Variants in TAF6 observed in about 807,000 individuals in gnomAD.
TAF6 encodes TATA-box binding protein associated factor 6.
Under a neutral mutation model 73.5 loss-of-function variants are expected in TAF6, and 50 were observed. The ratio of observed to expected loss-of-function variants is 0.68; its 90% CI spans 0.54 to 0.86. The LOEUF is 0.86. Among genes scored for constraint, TAF6 ranks in the 40% least tolerant of loss-of-function variants. The probability of loss-of-function intolerance (pLI) is 0.00; values close to 1 mark genes in which losing one functional copy is unlikely to be tolerated. For missense variants in TAF6, 768 were observed against 899.5 expected, an observed-to-expected ratio of 0.85 and a Z score of 1.87; for synonymous variants, 424 against 376.7, an observed-to-expected ratio of 1.13 and a Z score of -1.45.
In TAF6 at chr7:100,111,339, G is replaced by A. The variant is rs1022540907; in HGVS notation, c.901-18C>T. The stretch of plus-strand genomic sequence containing the variant: ...TCATGGACCTAAGGGAGAAAGGGCG[G>A]GACAGCTGATTCTGGTTTTGTTTGT... On this transcript the variant is annotated intron_variant, in intron 9 of 14. Transcript: ENST00000453269. 11 of 1,603,478 alleles carry A rather than the reference G, an allele frequency of 6.9e-6. No homozygotes were observed. The Admixed American group carries it at 8.4e-5, about 12-fold the overall frequency.
Position 100,113,632 on chromosome 7 carries a change from CA to C in TAF6, c.380del (p.Leu127ArgfsTer10). ...IINTPLPRVP[L>X]DVCLKAHWLS... ...TCCCCCAACCTTTGAGGCAGACGTC[CA>C]GGGGCACCCGGGGCAGAGGGGTATT... On this transcript the variant is annotated frameshift_variant, in exon 4 of 15. Coordinates refer to ENST00000453269, the MANE Select transcript of TAF6 (RefSeq NM_139315.3). LOFTEE classifies it high-confidence loss of function. 1 of 1,614,090 alleles carries C rather than the reference CA, an allele frequency of 6.2e-7. No homozygotes were observed. The highest frequency in any genetic ancestry group is 1.1e-5 in the South Asian group (1 of 91,076).
At chr7:100,113,126 C>G (rs887274831) in intron 5 of TAF6, among the ~76,000 whole-genome samples, 2 of 151,984 alleles carry the variant, frequency 1.3e-5, no homozygotes, top group African/African-American at 4.8e-5. Flanking sequence ...ATTAGCCGGG[C>G]GTGGTGGTGT....
chr7:100,115,980 C>G (rs1244295227), intron 1 of TAF6, among the ~76,000 whole-genome samples: 1 of 151,956 alleles, frequency 6.6e-6, no homozygotes, highest in Non-Finnish European at 1.5e-5. Flanking sequence ...AAAAATCAAT[C>G]AATCCACCAG....
At chr7:100,109,854 C>A in intron 12 of TAF6, 94 bp downstream of exon 12, 3 of 1,544,616 alleles carry the variant, frequency 1.9e-6, no homozygotes, top group South Asian at 1.2e-5. Flanking sequence ...AAACATGAGG[C>A]AAAGATGGGA....
At position 100,110,085 on chromosome 7, in the gene TAF6, G is replaced by A. The variant is rs1390040471; in HGVS notation, c.1159-12C>T. 1 of 1,613,950 alleles carries A rather than the reference G, an allele frequency of 6.2e-7. No individual in the cohort carries two copies. The highest frequency in any genetic ancestry group is 8.5e-7 in the Non-Finnish European group (1 of 1,180,008). On this transcript the variant is annotated splice_polypyrimidine_tract_variant and intron_variant, in intron 11 of 14. Coordinates refer to ENST00000453269, the MANE Select transcript of TAF6 (RefSeq NM_139315.3). ...AGAGTCTTGATAACCTGTTAGAAGG[G>A]AAAAGGACAAGCAAAAGCCGGAGGG...
chr7:100,119,289 G>C lies in TAF6; in HGVS notation c.-145C>G. On this transcript the variant is annotated 5_prime_UTR_variant, in exon 1 of 15. Transcript: ENST00000453269. Reference sequence around the variant, plus strand: ...ACCCGCCCCCGCCACCCGAGCGCGGGGAGCAGGAAAACTCTAGCGGCAGCC... The same window carrying C: ...ACCCGCCCCCGCCACCCGAGCGCGGCGAGCAGGAAAACTCTAGCGGCAGCC... 1 of 1,022,020 alleles carries C rather than the reference G, an allele frequency of 9.8e-7. No homozygotes were observed. The highest frequency in any genetic ancestry group is 1.7e-5 in the African/African-American group (1 of 57,566). The allele number at this position is 1,022,020 out of a possible 1,614,324, so 63.3% of individuals were successfully genotyped here. A position where few individuals can be genotyped will look rare whatever the true frequency, so the allele number is the denominator to read the frequency against.
upstream of TAF6, among the ~76,000 whole-genome samples, chr7:100,123,613 C>T (rs557566135): frequency 3.0e-4 from 46 of 152,152 alleles, no homozygotes; most frequent in East Asian, 8.8e-3. Flanking sequence ...CTCCGCCTCC[C>T]GGGTTCAAGC....
rs1348528601 is a variant in TAF6, at chr7:100,107,927, T to C, written c.1655A>G (p.Gln552Arg). The C allele has an allele frequency of 6.2e-7, 1 of 1,607,266 alleles. No individual in the cohort carries two copies. Among genetic ancestry groups the C allele is most frequent in the Admixed American group, 1.7e-5 (1 of 59,734 alleles). Residue 552 changes from glutamine to arginine, a missense_variant and splice_region_variant, in exon 14 of 15, where the codon CAG (glutamine) becomes CGG (arginine). This residue lies in a region of TAF6 where 350 missense variants were observed against 352.3 expected (regional missense o/e 0.99). Transcript: ENST00000453269. ...TCCCTGTCCCACAGCTCTGCATACC[T>C]GCTGGGTGGATGGGGCGCTGGAGGA... ...SSSSSAPSTQ[Q>R]VLSLSTSAPG... is the part of the protein sequence containing the mutation.
At chr7:100,114,473 A>C in intron 1 of TAF6, 1 of 622,638 alleles carries the variant, frequency 1.6e-6, no homozygotes. Flanking sequence ...TCCCACCAGC[A>C]CTTTGGGAGG....
At chr7:100,123,677 C>T (rs1159944362), upstream of TAF6, among the ~76,000 whole-genome samples, 1 of 152,020 alleles carries the variant, frequency 6.6e-6, no homozygotes. Context: ...CCTGCCACCA[C>T]GCCCAGCTAA....
At chr7:100,107,793 G>C in intron 14 of TAF6, 133 bp downstream of exon 14, 1 of 1,385,924 alleles carries the variant, frequency 7.2e-7, no homozygotes, top group Non-Finnish European at 9.7e-7. Flanking sequence ...AGCCCTGCAG[G>C]ACCCTGGTGG....
upstream of TAF6, chr7:100,122,978 G>A (rs920553270): frequency 2.7e-6 from 4 of 1,488,938 alleles, no homozygotes; most frequent in Non-Finnish European, 3.6e-6. Context: ...TCTAGGGTTT[G>A]ACTATAGGGG....
At position 100,107,204 on chromosome 7, in the gene TAF6, A is replaced by G. The variant is rs1050542; in HGVS notation, c.*42T>C. On this transcript the variant is annotated 3_prime_UTR_variant, in exon 15 of 15. Transcript: ENST00000453269. The stretch of plus-strand genomic sequence containing the variant: ...CATGTGTGTACGTGCACGTGTGTAC[A>G]TGTCTGCATGTGTGGGAATCCGGGG... The G allele has an allele frequency of 0.58, 877,540 of 1,518,228 alleles. 258,098 individuals carry two copies. The highest frequency in any genetic ancestry group is 0.87 in the East Asian group (38,311 of 44,080). The allele number at this position is 1,518,228 out of a possible 1,614,324, so 94.0% of individuals were successfully genotyped here. A position where few individuals can be genotyped will look rare whatever the true frequency, so the allele number is the denominator to read the frequency against.
At chr7:100,108,922 G>T (rs1796873117) in intron 12 of TAF6, 1 of 167,430 alleles carries the variant, frequency 6.0e-6, no homozygotes, top group Non-Finnish European at 1.3e-5. Context: ...TACTGGGGAG[G>T]TTGAGGTACT....
At chr7:100,119,360 C>G (rs369908852), upstream of TAF6, 2 of 1,045,682 alleles carry the variant, frequency 1.9e-6, no homozygotes, top group South Asian at 3.1e-5. Context: ...GCCCCGCCCC[C>G]TCGTGGGAGC....
upstream of TAF6, among the ~76,000 whole-genome samples, chr7:100,120,642 G>A (rs1445495553): frequency 6.6e-6 from 1 of 152,092 alleles, no homozygotes. Context: ...TCCGTGTGCC[G>A]CTCTTCTCCC....
At position 100,110,017 on chromosome 7, in the gene TAF6, A is replaced by G. The variant is rs1364073604; in HGVS notation, c.1215T>C (p.Ser405=). 3 of 1,614,150 alleles carry G rather than the reference A, an allele frequency of 1.9e-6. No homozygotes were observed. The highest frequency in any genetic ancestry group is 2.2e-5 in the East Asian group (1 of 44,864). ...TGCTCAGCACAGGGCCGTCCAGCAC[A>G]CTGCGGATCCGCTCCCCTTCCTGCT... The part of the protein sequence containing the change: ...RLQQEGERIR[S]VLDGPVLSNI... The change falls in exon 12 of 15, where the codon AGT becomes AGC. Residue 405 remains serine, a synonymous_variant. Coordinates refer to ENST00000453269, the MANE Select transcript of TAF6 (RefSeq NM_139315.3).
In TAF6 at chr7:100,113,939, T is replaced by C. The variant is rs1797449332; in HGVS notation, c.172A>G (p.Met58Val). 2 of 1,613,862 alleles carry C rather than the reference T, an allele frequency of 1.2e-6. No homozygotes were observed. The highest frequency in any genetic ancestry group is 1.1e-5 in the South Asian group (1 of 91,076). ...KEIAQDALKF[M>V]HMGKRQKLTT... ...AGCTTCTGCCGCTTCCCCATGTGCA[T>C]GAACTTCAAGGCATCCTGGGGTCGG... The change falls in exon 3 of 15, where the codon ATG becomes GTG. Residue 58 changes from methionine (M) to valine (V), a missense_variant. Met to Val is a conservative substitution (Grantham distance 21, BLOSUM62 1). Transcript: ENST00000453269.
Position 100,107,556 on chromosome 7 carries a change from A to G in TAF6, c.1724T>C (p.Val575Ala), listed in dbSNP as rs1386577609. The G allele has an allele frequency of 1.2e-6, 2 of 1,613,438 alleles. No individual in the cohort carries two copies. Among genetic ancestry groups the G allele is most frequent in the East Asian group, 4.5e-5 (2 of 44,846 alleles). ...CTTGACGATGGGCTGCACGCTGGGGACGGTGGTGGTGACGGGCGAAGTGGT... is the reference window on the plus strand; with the variant it reads ...CTTGACGATGGGCTGCACGCTGGGGGCGGTGGTGGTGACGGGCGAAGTGGT... ...STTTSPVTTT[V>A]PSVQPIVKLV... The change falls in exon 15 of 15, where the codon GTC (valine) becomes GCC (alanine). Residue 575 changes from valine to alanine, a missense_variant. Coordinates refer to ENST00000453269, the MANE Select transcript of TAF6 (RefSeq NM_139315.3).
Sources: gnomAD v4.1 joint callset for allele counts (sites outside exome capture counted in the v4.1 genomes callset) on GRCh38, gnomAD v4.1.1 for gene constraint, gnomAD v4.1.1 regional missense constraint, MANE v1.5 for transcripts, NCBI Gene and HGNC (gene_info 2026-07-23, HGNC 2026-07-21) for gene names.